Variants in VSTM1 observed in about 807,000 individuals in gnomAD.
VSTM1 encodes V-set and transmembrane domain-containing protein 1.
A neutral mutation model predicts 33.1 loss-of-function variants in VSTM1; 27 were observed. That is an observed-to-expected ratio of 0.82 (90% CI 0.60 to 1.12). VSTM1 has a LOEUF of 1.12. Among genes scored for constraint, VSTM1 ranks in the 50% most tolerant of loss-of-function variants. The probability of loss-of-function intolerance (pLI) is 0.00; values close to 1 mark genes in which losing one functional copy is unlikely to be tolerated. For synonymous variants in VSTM1, 115 were observed against 110.3 expected (o/e 1.04, Z -0.27); for missense variants, 304 against 288.9 (o/e 1.05, Z -0.38).
chr19:54,055,459 A>C (rs2071043819), intron 3 of VSTM1: 1 of 142,310 alleles, frequency 7.0e-6, no homozygotes, highest in Non-Finnish European at 1.6e-5. Flanking sequence ...GGAACATAGA[A>C]AATGCTGGAT....
At position 54,044,837 on chromosome 19, in the gene VSTM1, T is replaced by A. The variant is rs534864241; in HGVS notation, c.395-2468A>T. 1.6e-3 allele frequency among the ~76,000 whole-genome samples: 243 copies of A among 151,930 alleles called. 1 individual carries two copies. Among genetic ancestry groups the A allele is most frequent in the African/African-American group, 5.3e-3 (221 of 41,420 alleles). On this transcript the variant is annotated intron_variant, in intron 4 of 8. Transcript: ENST00000338372. ...CTGTTACTAAAGCTAGGCGACAGAG[T>A]CCATGCAGTTCCCCCCCGTTTTTTG...
At chr19:54,044,720 C>T (rs2070484677) in intron 4 of VSTM1, among the ~76,000 whole-genome samples, 1 of 152,302 alleles carries the variant, frequency 6.6e-6, no homozygotes, top group South Asian at 2.1e-4. Flanking sequence ...TATTTCCCTC[C>T]CACTGGTGAA....
chr19:54,041,141 C>A, intron 8 of VSTM1, 61 bp from the exon 9 acceptor site: 2 of 1,447,584 alleles, frequency 1.4e-6, no homozygotes, highest in South Asian at 1.4e-5. Flanking sequence ...ACTAGCCACA[C>A]ATGGCTATTG....
intron 1 of VSTM1, among the ~76,000 whole-genome samples, chr19:54,059,059 C>CTTTTTTTT (rs68002308): frequency 9.6e-6 from 1 of 104,224 alleles, no homozygotes; most frequent in Non-Finnish European, 1.9e-5. Context: ...CTTCTTCTTT[C>CTTTTTTTT]TTTTTTTTTT....
At chr19:54,058,843 A>AT in intron 1 of VSTM1, 111 bp from the exon 2 acceptor site, 1 of 497,290 alleles carries the variant, frequency 2.0e-6, no homozygotes, top group Non-Finnish European at 3.4e-6. Flanking sequence ...ATATATATAT[A>AT]ATGTATATAT....
At chr19:54,045,942 G>T (rs1266038826) in intron 4 of VSTM1, among the ~76,000 whole-genome samples, 3 of 151,368 alleles carry the variant, frequency 2.0e-5, no homozygotes, top group Admixed American at 2.0e-4. Flanking sequence ...CTATCATCTA[G>T]CTAGCTAGCT....
At chr19:54,044,619 CA>C (rs1242539016) in intron 4 of VSTM1, among the ~76,000 whole-genome samples, 8 of 151,948 alleles carry the variant, frequency 5.3e-5, no homozygotes, top group South Asian at 2.1e-4. Flanking sequence ...CAAAACAAAA[CA>C]AAAAAAACTA....
At chr19:54,042,818 A>ATG (rs1451589254) in intron 4 of VSTM1, among the ~76,000 whole-genome samples, 72 of 57,906 alleles carry the variant, frequency 1.2e-3, no homozygotes, top group East Asian at 3.4e-3. Context: ...ATATATATAT[A>ATG]TATATATATA....
At chr19:54,058,647 T>G in intron 2 of VSTM1, 50 bp downstream of exon 2, 1 of 1,613,618 alleles carries the variant, frequency 6.2e-7, no homozygotes, top group South Asian at 1.1e-5. Context: ...AAGGAAAAGG[T>G]CATGAAGCGT....
At chr19:54,048,568 T>A (rs2070704344) in intron 4 of VSTM1, among the ~76,000 whole-genome samples, 1 of 152,172 alleles carries the variant, frequency 6.6e-6, no homozygotes, top group Non-Finnish European at 1.5e-5. Context: ...AACCCACATA[T>A]ATTACTGGAA....
At chr19:54,050,188 A>G (rs1397136064) in intron 4 of VSTM1, among the ~76,000 whole-genome samples, 2 of 151,412 alleles carry the variant, frequency 1.3e-5, no homozygotes, top group Non-Finnish European at 2.9e-5. Context: ...TAGTAGAGAC[A>G]GGGTTTCACC....
At chr19:54,049,691 G>A (rs1410560794) in intron 4 of VSTM1, among the ~76,000 whole-genome samples, 5 of 151,972 alleles carry the variant, frequency 3.3e-5, no homozygotes, top group Admixed American at 6.6e-5. Context: ...AATTGTGTTC[G>A]TAGTGCTAGG....
chr19:54,052,072 C>T (rs1385993915), intron 3 of VSTM1, among the ~76,000 whole-genome samples: 1 of 152,028 alleles, frequency 6.6e-6, no homozygotes, highest in Non-Finnish European at 1.5e-5. Flanking sequence ...ATATTTCTAT[C>T]TCCACAGTGG....
chr19:54,050,475 A>G (rs2070783868), intron 4 of VSTM1, among the ~76,000 whole-genome samples: 1 of 151,774 alleles, frequency 6.6e-6, no homozygotes, highest in Non-Finnish European at 1.5e-5. Flanking sequence ...TCCTGGTCCT[A>G]CTCCCCAAAT....
At chr19:54,049,216 A>G (rs761046780) in intron 4 of VSTM1, among the ~76,000 whole-genome samples, 11 of 152,256 alleles carry the variant, frequency 7.2e-5, no homozygotes, top group Non-Finnish European at 1.2e-4. Context: ...CTTTGAAAAC[A>G]TTATGCTAAA....
At chr19:54,059,342 T>G (rs1363229280) in intron 1 of VSTM1, among the ~76,000 whole-genome samples, 1 of 152,024 alleles carries the variant, frequency 6.6e-6, no homozygotes, top group Non-Finnish European at 1.5e-5. Flanking sequence ...ATTACAGGCG[T>G]GAGCCACTGC....
chr19:54,061,122 A>AT (rs1299257325), intron 1 of VSTM1, among the ~76,000 whole-genome samples: 1 of 145,554 alleles, frequency 6.9e-6, no homozygotes, highest in African/African-American at 2.6e-5. Flanking sequence ...GGTTCAAGCG[A>AT]TTTTCCTGCC....
rs751357817 is a variant in VSTM1 at position 54,058,344 on chromosome 19, C to G, written c.317G>C (p.Trp106Ser). 4 of 1,614,024 alleles carry G rather than the reference C, an allele frequency of 2.5e-6. No individual in the cohort carries two copies. Among genetic ancestry groups the G allele is most frequent in the Non-Finnish European group, 2.5e-6 (3 of 1,180,006 alleles). The change falls in exon 3 of 9, where the codon TGG becomes TCG. Residue 106 changes from tryptophan to serine, a missense_variant. Trp to Ser is a radical substitution (Grantham distance 177). Transcript: ENST00000338372. ...CTGCAAGTGTTCACTGCTTTCTGAC[C>G]ACTCATGGGAGGCTGTTGTCTTGTA... ...CAYKTTASHEWSESSEHLQLV... is the reference protein window; with the variant it reads ...CAYKTTASHESSESSEHLQLV...
intron 4 of VSTM1, among the ~76,000 whole-genome samples, chr19:54,050,689 G>T (rs948623850): frequency 6.6e-6 from 1 of 152,064 alleles, no homozygotes; most frequent in Non-Finnish European, 1.5e-5. Flanking sequence ...GGGCTTTAAA[G>T]TTCTTCTAGG....
Sources: gnomAD v4.1 joint callset for allele counts (sites outside exome capture counted in the v4.1 genomes callset) on GRCh38, gnomAD v4.1.1 for gene constraint, MANE v1.5 for transcripts, NCBI Gene and HGNC (gene_info 2026-07-23, HGNC 2026-07-21) for gene names.